LGSN: variants seen among roughly 807,000 people sequenced by gnomAD.
LGSN encodes lengsin.
In LGSN, 21 loss-of-function variants were observed where a neutral mutation model predicts 19.5. The ratio of observed to expected loss-of-function variants is 1.07; its 90% CI spans 0.76 to 1.55. The LOEUF is 1.55. Among genes scored for constraint, LGSN ranks in the 40% most tolerant of loss-of-function variants. The probability of loss-of-function intolerance (pLI) is 0.00; values close to 1 mark genes in which losing one functional copy is unlikely to be tolerated. For missense variants in LGSN, 673 were observed against 608.5 expected (o/e 1.11, Z -1.12); for synonymous variants, 257 against 215.6 (o/e 1.19, Z -1.68).
chr6:63,416,327 G>A, the LGSN span, among the ~76,000 whole-genome samples: 2 of 152,102 alleles, frequency 1.3e-5, no homozygotes, highest in African/African-American at 4.8e-5. Flanking sequence ...AACATCAGAT[G>A]GCATTGAGGG....
chr6:63,529,537 C>T, the LGSN span, among the ~76,000 whole-genome samples: 6 of 152,152 alleles, frequency 3.9e-5, no homozygotes, highest in Non-Finnish European at 7.3e-5. Context: ...TTTTCTACCT[C>T]TCTCGCTTTT....
the LGSN span, among the ~76,000 whole-genome samples, chr6:63,505,044 A>G: frequency 2.0e-5 from 3 of 152,146 alleles, no homozygotes; most frequent in Non-Finnish European, 2.9e-5. Context: ...TACACCAGGA[A>G]CTGGTAAGGT....
chr6:63,532,727 T>A, the LGSN span, among the ~76,000 whole-genome samples: 1 of 152,130 alleles, frequency 6.6e-6, no homozygotes, highest in Non-Finnish European at 1.5e-5. Flanking sequence ...GTTAAAATAT[T>A]TTATTGTTAC....
the LGSN span, among the ~76,000 whole-genome samples, chr6:63,414,445 A>ATC: frequency 2.0e-5 from 3 of 152,186 alleles, no homozygotes; most frequent in Non-Finnish European, 4.4e-5. Flanking sequence ...AAGAGAGTAG[A>ATC]TATGTATTCT....
rs1232211926 is a variant in LGSN at position 63,280,770 on chromosome 6, T to C, written c.781A>G (p.Thr261Ala). ...GAGATTTCCATCTGACCAGGCCTGG[T>C]AGAGGAGGAAAAACTCTCGACATTG... ...GANVESFSSS[T>A]RPGQMEISFL... The change falls in exon 4 of 4, where the codon ACC becomes GCC. Residue 261 changes from threonine (T) to alanine (A), a missense_variant. Physicochemically the swap from Thr to Ala is moderately conservative, Grantham distance 58. Coordinates refer to ENST00000370657, the MANE Select transcript of LGSN (RefSeq NM_016571.3). The C allele has an allele frequency of 1.9e-6, 3 of 1,613,950 alleles. No homozygotes were observed. The highest frequency in any genetic ancestry group is 2.7e-5 in the African/African-American group (2 of 74,902).
In LGSN at chr6:63,280,608, A is replaced by G. The variant is rs745444459; in HGVS notation, c.943T>C (p.Ser315Pro). 12 of 1,614,104 alleles carry G rather than the reference A, an allele frequency of 7.4e-6. No homozygotes were observed. The highest frequency in any genetic ancestry group is 1.0e-5 in the Non-Finnish European group (12 of 1,180,046). Residue 315 changes from serine (S) to proline (P), a missense_variant, in exon 4 of 4, where the codon TCT (serine) becomes CCT (proline). Ser to Pro is a moderately conservative substitution (Grantham distance 74). Transcript: ENST00000370657. ...ETGFCDSGIL[S>P]HSLWDVDRKK... Reference sequence around the variant, plus strand: ...CTATCGACATCCCAGAGACTATGAGACAAAATCCCTGAATCACAAAATCCA... The same window carrying G: ...CTATCGACATCCCAGAGACTATGAGGCAAAATCCCTGAATCACAAAATCCA...
At chr6:63,560,315 G>C in the LGSN span, among the ~76,000 whole-genome samples, 1 of 142,776 alleles carries the variant, frequency 7.0e-6, no homozygotes, top group East Asian at 2.0e-4. Flanking sequence ...TCCAGCCTGG[G>C]TGACAAGAGT....
chr6:63,360,393 C>T, the LGSN span, among the ~76,000 whole-genome samples: 4 of 152,126 alleles, frequency 2.6e-5, no homozygotes, highest in South Asian at 2.1e-4. Context: ...CTTCTCTTCT[C>T]GCTTCATTTC....
At chr6:63,385,626 AC>A in the LGSN span, among the ~76,000 whole-genome samples, 1 of 152,076 alleles carries the variant, frequency 6.6e-6, no homozygotes, top group African/African-American at 2.4e-5. Flanking sequence ...TTTGCCTCCA[AC>A]CCGTCACAGA....
chr6:63,355,084 A>G, the LGSN span, among the ~76,000 whole-genome samples: 38 of 152,316 alleles, frequency 2.5e-4, no homozygotes, highest in Non-Finnish European at 5.1e-4. Flanking sequence ...AATGTATTGT[A>G]TAGTTCAAAA....
At chr6:63,499,281 A>G in the LGSN span, among the ~76,000 whole-genome samples, 1 of 152,138 alleles carries the variant, frequency 6.6e-6, no homozygotes, top group Non-Finnish European at 1.5e-5. Context: ...AAATTTTGAT[A>G]AAAGCTGAAC....
chr6:63,452,754 AT>A, the LGSN span, among the ~76,000 whole-genome samples: 68,903 of 149,698 alleles, frequency 0.46, 17,521 homozygotes, highest in Non-Finnish European at 0.56. Context: ...GTTGCATTCC[AT>A]TTTTTTTCTT....
chr6:63,360,969 C>T, the LGSN span, among the ~76,000 whole-genome samples: 4 of 152,336 alleles, frequency 2.6e-5, no homozygotes, highest in Non-Finnish European at 4.4e-5. Flanking sequence ...TGCAGAACAG[C>T]GGATATTGGT....
the LGSN span, among the ~76,000 whole-genome samples, chr6:63,356,371 C>A: frequency 5.3e-5 from 8 of 152,014 alleles, no homozygotes; most frequent in African/African-American, 1.9e-4. Flanking sequence ...GAAACCCCAT[C>A]TCTACTAAAA....
the LGSN span, among the ~76,000 whole-genome samples, chr6:63,539,467 G>A: frequency 7.9e-5 from 12 of 152,146 alleles, no homozygotes; most frequent in African/African-American, 2.9e-4. Flanking sequence ...ACAAGGAACA[G>A]GAAATCTAAA....
the LGSN span, among the ~76,000 whole-genome samples, chr6:63,437,032 G>C: frequency 7.4e-6 from 1 of 135,862 alleles, no homozygotes; most frequent in Non-Finnish European, 1.6e-5. Flanking sequence ...GCAAGGCTCT[G>C]TCAAAAAAGA....
the LGSN span, among the ~76,000 whole-genome samples, chr6:63,568,391 G>A: frequency 8.5e-5 from 13 of 152,252 alleles, no homozygotes; most frequent in East Asian, 5.8e-4. Flanking sequence ...GCCCATCAGC[G>A]GAGCAGTCAG....
chr6:63,345,509 AG>A, the LGSN span, among the ~76,000 whole-genome samples: 1 of 152,208 alleles, frequency 6.6e-6, no homozygotes, highest in Non-Finnish European at 1.5e-5. Flanking sequence ...CTGTCTTGGG[AG>A]GTCACTAGAA....
the LGSN span, among the ~76,000 whole-genome samples, chr6:63,401,657 A>G: frequency 6.6e-6 from 1 of 152,214 alleles, no homozygotes; most frequent in African/African-American, 2.4e-5. Flanking sequence ...AATACATGCC[A>G]TGATCCATAA....
Sources: gnomAD v4.1 joint callset for allele counts (sites outside exome capture counted in the v4.1 genomes callset) on GRCh38, gnomAD v4.1.1 for gene constraint, MANE v1.5 for transcripts, NCBI Gene and HGNC (gene_info 2026-07-23, HGNC 2026-07-21) for gene names.